Variants in ITPKB observed in about 807,000 individuals in gnomAD.
ITPKB encodes the protein IP3 3-kinase B.
In ITPKB, 13 loss-of-function variants were observed where a neutral mutation model predicts 69.4. The observed-to-expected ratio is 0.19, with a 90% CI of 0.12 to 0.30. The LOEUF is 0.30. Among genes scored for constraint, ITPKB ranks in the 10% least tolerant of loss-of-function variants. ITPKB has a pLI of 1.00. For synonymous variants in ITPKB, 584 were observed against 513.7 expected, an observed-to-expected ratio of 1.14 and a Z score of -1.85; for missense variants, 1,240 against 1,250.5, an observed-to-expected ratio of 0.99 and a Z score of 0.13.
chr1:226,646,570 C>T (rs1358442253), intron 4 of ITPKB, among the ~76,000 whole-genome samples: 2 of 152,168 alleles, frequency 1.3e-5, no homozygotes, highest in Admixed American at 1.3e-4. Context: ...GCCAGTCCTG[C>T]ACACAGGCCC....
At chr1:226,725,828 G>A (rs1317790662) in intron 2 of ITPKB, among the ~76,000 whole-genome samples, 2 of 152,174 alleles carry the variant, frequency 1.3e-5, no homozygotes, top group African/African-American at 4.8e-5. Context: ...AGTGAAACCG[G>A]GGCGTTATCC....
At position 226,633,663 on chromosome 1, in the gene ITPKB, T is replaced by TGGAAGCC. The variant is rs1668769075; in HGVS notation, c.*1001_*1007dup. 6.6e-6 allele frequency: 1 copy of TGGAAGCC among 152,260 alleles called. No individual in the cohort carries two copies. Among genetic ancestry groups the TGGAAGCC allele is most frequent in the Admixed American group, 6.5e-5 (1 of 15,288 alleles). The allele number at this position is 152,260 out of a possible 1,614,324, so 9.4% of individuals were successfully genotyped here. ...TGCCAGGAGGCCACCGCGGCACCTC[T>TGGAAGCC]GGAAGCCAGAAGCCTGCCTTCTTCC... is the stretch of plus-strand genomic sequence containing the variant. On this transcript the variant is annotated 3_prime_UTR_variant, in exon 8 of 8. Transcript: ENST00000429204.
At chr1:226,717,810 G>C (rs1657131829) in intron 2 of ITPKB, among the ~76,000 whole-genome samples, 1 of 152,180 alleles carries the variant, frequency 6.6e-6, no homozygotes, top group South Asian at 2.1e-4. Flanking sequence ...AGCAGGAAGC[G>C]ACCTCAGAGA....
intron 2 of ITPKB, among the ~76,000 whole-genome samples, chr1:226,666,212 G>A (rs1043110824): frequency 1.3e-5 from 2 of 152,160 alleles, no homozygotes; most frequent in African/African-American, 4.8e-5. Context: ...TACCAGAAGG[G>A]AGCACATGGC....
chr1:226,732,143 T>C (rs927890072), intron 2 of ITPKB, among the ~76,000 whole-genome samples: 1 of 131,110 alleles, frequency 7.6e-6, no homozygotes, highest in African/African-American at 2.9e-5. Context: ...AAAATTCCAA[T>C]GGCCTTTAAA....
At chr1:226,681,500 A>G (rs138498953) in intron 2 of ITPKB, among the ~76,000 whole-genome samples, 33 of 152,344 alleles carry the variant, frequency 2.2e-4, no homozygotes, top group African/African-American at 7.9e-4. Flanking sequence ...AGAAAATTTG[A>G]TAAATCCAGA....
chr1:226,658,400 A>G (rs945145078), intron 2 of ITPKB, among the ~76,000 whole-genome samples: 2 of 152,210 alleles, frequency 1.3e-5, no homozygotes, highest in Non-Finnish European at 2.9e-5. Flanking sequence ...CTGGGGCCAA[A>G]AGCGAAACCT....
intron 2 of ITPKB, among the ~76,000 whole-genome samples, chr1:226,654,893 G>GGAA (rs1669260690): frequency 1.3e-5 from 2 of 152,152 alleles, no homozygotes; most frequent in Admixed American, 1.3e-4. Flanking sequence ...TGGGGACAGG[G>GGAA]GAAGAGGAGG....
At chr1:226,731,403 C>A (rs569023201) in intron 2 of ITPKB, among the ~76,000 whole-genome samples, 1 of 152,296 alleles carries the variant, frequency 6.6e-6, no homozygotes, top group East Asian at 1.9e-4. Context: ...ATAGGCAGAT[C>A]AATCAATTGG....
At position 226,632,132 on chromosome 1, in the gene ITPKB, A is replaced by G. The variant is rs1144840; in HGVS notation, c.*2539T>C. On this transcript the variant is annotated 3_prime_UTR_variant, in exon 8 of 8. Coordinates refer to ENST00000429204, the MANE Select transcript of ITPKB (RefSeq NM_002221.4). ...ATAACTTAAAAATGTCTTACATGAC[A>G]CTAAAGGCAAGCCTGGGAAAAGCAA... is the stretch of plus-strand genomic sequence containing the variant. 15,946 of 152,754 alleles carry G rather than the reference A, an allele frequency of 0.1. 880 individuals are homozygous for G. The highest frequency in any genetic ancestry group is 0.15 in the East Asian group (791 of 5,182). 9.5% of individuals were successfully genotyped at this position (152,754 alleles called of 1,614,324 possible).
chr1:226,708,120 A>G (rs1656855222), intron 2 of ITPKB, among the ~76,000 whole-genome samples: 1 of 152,230 alleles, frequency 6.6e-6, no homozygotes. Flanking sequence ...AGATAAAACT[A>G]GTACAATCAG....
chr1:226,719,122 C>CA (rs1023033060), intron 2 of ITPKB, among the ~76,000 whole-genome samples: 2 of 152,006 alleles, frequency 1.3e-5, no homozygotes, highest in African/African-American at 4.8e-5. Flanking sequence ...CTAAAAAACA[C>CA]AAAAAAAGTA....
At chr1:226,675,335 C>T (rs923444114) in intron 2 of ITPKB, among the ~76,000 whole-genome samples, 9 of 152,214 alleles carry the variant, frequency 5.9e-5, no homozygotes, top group African/African-American at 1.9e-4. Flanking sequence ...CACTGGGAAA[C>T]ACTTGCACAA....
chr1:226,667,799 A>AAGCTAAG, intron 2 of ITPKB, among the ~76,000 whole-genome samples: 1 of 151,934 alleles, frequency 6.6e-6, no homozygotes, highest in East Asian at 1.9e-4. Context: ...GGTGACATTT[A>AAGCTAAG]AGCTAAGTCT....
Position 226,637,078 on chromosome 1 carries a change from G to A in ITPKB, c.2625+601C>T, listed in dbSNP as rs1050496194. On this transcript the variant is annotated intron_variant, in intron 7 of 7. Coordinates refer to ENST00000429204, the MANE Select transcript of ITPKB (RefSeq NM_002221.4). The surrounding 1 kb of genome is among the most constrained non-coding windows in gnomAD (Gnocchi z 4.3). ...TATAGGATTGATGAGTGTGGGATCT[G>A]TGAATGTGTGTGTGAATGTGTCATG... 2.0e-5 allele frequency among the ~76,000 whole-genome samples: 3 copies of A among 152,112 alleles called. No homozygotes were observed. The highest frequency in any genetic ancestry group is 4.4e-5 in the Non-Finnish European group (3 of 68,008).
At chr1:226,662,013 T>C (rs945975213) in intron 2 of ITPKB, among the ~76,000 whole-genome samples, 5 of 152,192 alleles carry the variant, frequency 3.3e-5, no homozygotes, top group African/African-American at 1.2e-4. Context: ...AACTCCAAAA[T>C]GCCCAGGAGC....
intron 2 of ITPKB, among the ~76,000 whole-genome samples, chr1:226,675,874 C>T (rs1450075863): frequency 6.6e-6 from 1 of 152,216 alleles, no homozygotes; most frequent in African/African-American, 2.4e-5. Context: ...TCCACCTGTG[C>T]ACTTCCTCAA....
chr1:226,649,844 A>G (rs77575295), intron 2 of ITPKB, among the ~76,000 whole-genome samples: 1 of 109,588 alleles, frequency 9.1e-6, no homozygotes, highest in Non-Finnish European at 1.8e-5. Flanking sequence ...ACAAAACAAA[A>G]CAAAAAAACA....
rs376215203 is a variant in ITPKB, at chr1:226,724,456, C to T, written c.1932+11071G>A. On this transcript the variant is annotated intron_variant, in intron 2 of 7. Transcript: ENST00000429204. The stretch of plus-strand genomic sequence containing the variant: ...TTCGGCATAAAATACTAACAAATGA[C>T]ACCACAGCTGCCTCTGAGGTCCATG... 1.2e-4 allele frequency among the ~76,000 whole-genome samples: 19 copies of T among 152,340 alleles called. No homozygotes were observed. The East Asian group carries it at 3.5e-3, about 28-fold the overall frequency.
Sources: allele counts gnomAD v4.1 joint callset (sites outside exome capture counted in the v4.1 genomes callset), GRCh38; gene constraint gnomAD v4.1.1; non-coding constraint Gnocchi (gnomAD v3.1); transcripts MANE v1.5; gene names NCBI Gene and HGNC (gene_info 2026-07-23, HGNC 2026-07-21).